The following CALN1 variants were observed in gnomAD, a reference collection of about 807,000 sequenced individuals.
CALN1 encodes the protein calneuron 1, also known as calcium-binding protein 8.
In CALN1, 17 loss-of-function variants were observed where a neutral mutation model predicts 30.6. That is an observed-to-expected ratio of 0.56 (90% CI 0.38 to 0.83). The LOEUF (loss-of-function observed/expected upper bound fraction) is 0.83, where lower values mean the gene tolerates loss of function less well. CALN1 is among the 40% of genes least tolerant of loss of function. The pLI is 0.00. For missense variants in CALN1, 291 were observed against 354.9 expected, an observed-to-expected ratio of 0.82 and a Z score of 1.45; for synonymous variants, 156 against 131.4, an observed-to-expected ratio of 1.19 and a Z score of -1.28.
At chr7:71,894,755 GAT>G (rs1793443683) in intron 5 of CALN1, among the ~76,000 whole-genome samples, 1 of 152,184 alleles carries the variant, frequency 6.6e-6, no homozygotes, top group Non-Finnish European at 1.5e-5. Context: ...CTGAGAGCAT[GAT>G]ATGTTTTTTC....
At chr7:72,302,626 G>A (rs1022102685) in intron 2 of CALN1, among the ~76,000 whole-genome samples, 2 of 152,058 alleles carry the variant, frequency 1.3e-5, no homozygotes, top group East Asian at 3.9e-4. Context: ...GAGCGCAGTG[G>A]CTCACACCTG....
intron 5 of CALN1, among the ~76,000 whole-genome samples, chr7:71,813,009 C>T (rs1255292213): frequency 6.6e-6 from 1 of 151,166 alleles, no homozygotes; most frequent in Non-Finnish European, 1.5e-5. Flanking sequence ...AGTACAGTGG[C>T]GCAATCTTGG....
intron 3 of CALN1, among the ~76,000 whole-genome samples, chr7:72,207,467 TTAGTAGTAG>T (rs57532477): frequency 2.0e-5 from 3 of 151,656 alleles, no homozygotes; most frequent in East Asian, 1.9e-4. Context: ...GTTTGTTTAT[TTAGTAGTAG>T]TAGTAGTAGT....
intron 3 of CALN1, among the ~76,000 whole-genome samples, chr7:72,141,537 G>T (rs944756536): frequency 6.6e-5 from 10 of 151,934 alleles, no homozygotes; most frequent in Non-Finnish European, 1.3e-4. Flanking sequence ...GTGTCCGAGG[G>T]CTCAAAACTC....
At chr7:72,445,079 C>CACACAAAT (rs1808483572) in intron 1 of CALN1, among the ~76,000 whole-genome samples, 2 of 151,632 alleles carry the variant, frequency 1.3e-5, no homozygotes, top group Admixed American at 1.3e-4. Context: ...CACACACACA[C>CACACAAAT]ACACACACAC....
At chr7:72,269,667 T>G (rs1585315026) in intron 3 of CALN1, among the ~76,000 whole-genome samples, 1 of 152,082 alleles carries the variant, frequency 6.6e-6, no homozygotes, top group Admixed American at 6.5e-5. Context: ...CTACACAAAT[T>G]TAAGGTGGTC....
At chr7:72,387,352 TCTG>T (rs1299775535) in intron 2 of CALN1, among the ~76,000 whole-genome samples, 4 of 146,998 alleles carry the variant, frequency 2.7e-5, no homozygotes, top group African/African-American at 7.5e-5. Flanking sequence ...TTATAGGTAA[TCTG>T]CTCTCATGGA....
intron 3 of CALN1, among the ~76,000 whole-genome samples, chr7:72,218,593 T>G (rs1051390151): frequency 2.0e-5 from 3 of 152,214 alleles, no homozygotes; most frequent in Admixed American, 2.0e-4. Flanking sequence ...CCTGACCATG[T>G]AGAGGACGCC....
chr7:72,018,997 C>G (rs931887661), intron 5 of CALN1, among the ~76,000 whole-genome samples: 3 of 145,238 alleles, frequency 2.1e-5, no homozygotes, highest in African/African-American at 8.3e-5. Flanking sequence ...CCACCATATC[C>G]AGCTAATTTT....
At chr7:72,468,199 T>C in the CALN1 span, among the ~76,000 whole-genome samples, 1 of 152,242 alleles carries the variant, frequency 6.6e-6, no homozygotes, top group Non-Finnish European at 1.5e-5. Flanking sequence ...ATAGTACTGC[T>C]ACAAATGTTT....
At chr7:72,151,925 T>TC (rs1310099876) in intron 3 of CALN1, among the ~76,000 whole-genome samples, 7 of 142,520 alleles carry the variant, frequency 4.9e-5, no homozygotes, top group Admixed American at 1.4e-4. Flanking sequence ...TTTTTTTTTT[T>TC]CAAGACAGAA....
chr7:72,116,598 G>C (rs915905997), intron 3 of CALN1, among the ~76,000 whole-genome samples: 2 of 152,102 alleles, frequency 1.3e-5, no homozygotes, highest in African/African-American at 2.4e-5. Flanking sequence ...ATGCAAAAGG[G>C]CACAGCTAGC....
intron 5 of CALN1, among the ~76,000 whole-genome samples, chr7:71,992,377 G>C (rs924206003): frequency 1.3e-5 from 2 of 151,886 alleles, no homozygotes; most frequent in African/African-American, 4.8e-5. Flanking sequence ...ATTTTTCTTA[G>C]AGAAAGAGCC....
At chr7:72,420,737 C>T (rs1476875189) in intron 1 of CALN1, among the ~76,000 whole-genome samples, 8 of 151,644 alleles carry the variant, frequency 5.3e-5, no homozygotes, top group Non-Finnish European at 1.0e-4. Context: ...CATTCTCCTC[C>T]CTCAGTCGAG....
chr7:71,978,758 T>C (rs1211352133), intron 5 of CALN1, among the ~76,000 whole-genome samples: 1 of 152,230 alleles, frequency 6.6e-6, no homozygotes, highest in Non-Finnish European at 1.5e-5. Flanking sequence ...TAGGCAACAC[T>C]AGAGATCCAT....
chr7:72,172,117 G>A (rs2129545504), intron 3 of CALN1, among the ~76,000 whole-genome samples: 1 of 152,298 alleles, frequency 6.6e-6, no homozygotes. Context: ...ACAGACCCAT[G>A]GGGTCCAGCC....
chr7:71,850,221 T>C (rs1030533842), intron 5 of CALN1, among the ~76,000 whole-genome samples: 3 of 152,156 alleles, frequency 2.0e-5, no homozygotes, highest in Non-Finnish European at 2.9e-5. Context: ...GTTTTTGTTG[T>C]TGTTTTTTCT....
chr7:72,023,579 G>T, intron 5 of CALN1, 78 bp downstream of exon 5: 1 of 1,060,416 alleles, frequency 9.4e-7, no homozygotes, highest in Non-Finnish European at 1.4e-6. Context: ...CCAAATAGAA[G>T]TTCAAGAATT....
chr7:71,833,511 T>C (rs1789414495), intron 5 of CALN1, among the ~76,000 whole-genome samples: 1 of 142,078 alleles, frequency 7.0e-6, no homozygotes, highest in Admixed American at 7.2e-5. Context: ...AGGAGAGGGG[T>C]GGAATAAAAT....
Sources: gnomAD v4.1 joint callset for allele counts (sites outside exome capture counted in the v4.1 genomes callset) on GRCh38, gnomAD v4.1.1 for gene constraint, MANE v1.5 for transcripts, NCBI Gene and HGNC (gene_info 2026-07-23, HGNC 2026-07-21) for gene names.